Variants in NRF1 observed in about 807,000 individuals in gnomAD.
The protein encoded by NRF1 is alpha palindromic-binding protein.
Under a neutral mutation model 58.5 loss-of-function variants are expected in NRF1, and 5 were observed. That is an observed-to-expected ratio of 0.09 (90% confidence interval 0.04 to 0.18). The LOEUF (loss-of-function observed/expected upper bound fraction) is 0.18, where lower values mean the gene tolerates loss of function less well. Ranked by LOEUF, NRF1 falls within the 10% of genes least tolerant of loss-of-function variation. NRF1 has a pLI of 1.00. For synonymous variants in NRF1, 224 were observed against 246.7 expected, an observed-to-expected ratio of 0.91 and a Z score of 0.86; for missense variants, 288 against 657.7, an observed-to-expected ratio of 0.44 and a Z score of 6.15.
intron 3 of NRF1, among the ~76,000 whole-genome samples, chr7:129,676,495 G>C (rs761790217): frequency 6.6e-6 from 1 of 152,238 alleles, no homozygotes. Context: ...GGCCTGAGGA[G>C]TGGGAGAGAG....
At chr7:129,692,010 C>G (rs958822247) in intron 5 of NRF1, among the ~76,000 whole-genome samples, 1 of 152,178 alleles carries the variant, frequency 6.6e-6, no homozygotes, top group South Asian at 2.1e-4. Context: ...ATCAGTTAAT[C>G]GAACTACTGT....
At chr7:129,637,116 T>C (rs1801183397) in intron 1 of NRF1, among the ~76,000 whole-genome samples, 1 of 152,144 alleles carries the variant, frequency 6.6e-6, no homozygotes, top group Non-Finnish European at 1.5e-5. Context: ...CCACTTGTGC[T>C]CTGGAGTTCT....
At chr7:129,728,216 G>A (rs1803493479) in intron 10 of NRF1, among the ~76,000 whole-genome samples, 1 of 152,102 alleles carries the variant, frequency 6.6e-6, no homozygotes, top group African/African-American at 2.4e-5. Flanking sequence ...GGAAATTGTT[G>A]CTTTAAAGTC....
intron 5 of NRF1, among the ~76,000 whole-genome samples, chr7:129,702,316 G>T (rs71581795): frequency 1.4e-3 from 216 of 152,340 alleles, no homozygotes; most frequent in Non-Finnish European, 2.5e-3. Flanking sequence ...CAGAAGTCTT[G>T]CCTTGAGAGA....
At chr7:129,620,088 T>TG (rs995875658) in intron 1 of NRF1, among the ~76,000 whole-genome samples, 3 of 152,140 alleles carry the variant, frequency 2.0e-5, no homozygotes, top group Admixed American at 6.5e-5. Flanking sequence ...AATCAAGTGT[T>TG]GGTTGTGTTC....
At chr7:129,694,490 GAGTAGCTGGGACT>G (rs936662709) in intron 5 of NRF1, among the ~76,000 whole-genome samples, 1 of 151,954 alleles carries the variant, frequency 6.6e-6, no homozygotes, top group African/African-American at 2.4e-5. Context: ...TCAGCCTCCT[GAGTAGCTGGGACT>G]ACAGGCATGC....
intron 5 of NRF1, among the ~76,000 whole-genome samples, chr7:129,707,657 A>G (rs1802982891): frequency 6.6e-6 from 1 of 152,160 alleles, no homozygotes; most frequent in Admixed American, 6.5e-5. Flanking sequence ...TTTTAAATGG[A>G]TACGTTTCTA....
At chr7:129,752,297 A>G (rs538800368) in intron 10 of NRF1, among the ~76,000 whole-genome samples, 173 of 150,760 alleles carry the variant, frequency 1.1e-3, no homozygotes, top group African/African-American at 3.9e-3. Flanking sequence ...GGATAAGTCT[A>G]TCTCATGAAT....
chr7:129,682,432 T>C (rs1009214096), intron 4 of NRF1, among the ~76,000 whole-genome samples: 1 of 150,880 alleles, frequency 6.6e-6, no homozygotes, highest in South Asian at 2.1e-4. Context: ...CACTCTAGCC[T>C]GGATGACAGA....
intron 1 of NRF1, among the ~76,000 whole-genome samples, chr7:129,650,292 G>A (rs117131680): frequency 0.012 from 1,866 of 151,756 alleles, 18 homozygotes; most frequent in Non-Finnish European, 0.019. Flanking sequence ...TATTGCCGGC[G>A]CTTTCGTCTT....
At chr7:129,710,711 T>C in intron 7 of NRF1, 140 bp downstream of exon 7, 1 of 624,902 alleles carries the variant, frequency 1.6e-6, no homozygotes, top group Non-Finnish European at 2.9e-6. Context: ...TACCTGAAAT[T>C]GATTTCTGAA....
In NRF1 at chr7:129,741,775, G is replaced by A. The variant is rs1319803722; in HGVS notation, c.1349-13243G>A. Among the ~76,000 whole-genome samples the A allele has an allele frequency of 6.6e-6, 1 of 152,220 alleles. No homozygotes were observed. Among genetic ancestry groups the A allele is most frequent in the Non-Finnish European group, 1.5e-5 (1 of 68,046 alleles). ...TAGCTTGTCCCTCGCAGCCAGGATG[G>A]TTTGGGGCCCTCTGGCTCTCAGGTT... On this transcript the variant is annotated intron_variant, in intron 10 of 10. Coordinates refer to ENST00000393232, the MANE Select transcript of NRF1 (RefSeq NM_005011.5). The surrounding 1 kb of genome is among the most constrained non-coding windows in gnomAD (Gnocchi z 4.0).
At chr7:129,649,893 A>G (rs1801497867) in intron 1 of NRF1, among the ~76,000 whole-genome samples, 1 of 152,152 alleles carries the variant, frequency 6.6e-6, no homozygotes, top group African/African-American at 2.4e-5. Flanking sequence ...AGCTGGGGCT[A>G]TAGGCATGTG....
At chr7:129,617,014 A>G (rs962379716) in intron 1 of NRF1, among the ~76,000 whole-genome samples, 1 of 152,230 alleles carries the variant, frequency 6.6e-6, no homozygotes, top group Non-Finnish European at 1.5e-5. Flanking sequence ...TTTAGACTAT[A>G]GTAATTGCAT....
chr7:129,640,908 A>G (rs1043106648), intron 1 of NRF1, among the ~76,000 whole-genome samples: 2 of 152,226 alleles, frequency 1.3e-5, no homozygotes, highest in Non-Finnish European at 2.9e-5. Context: ...CCAGTTATCA[A>G]GGTAAGATTA....
intron 4 of NRF1, among the ~76,000 whole-genome samples, chr7:129,685,558 TGTGTGTG>T (rs1176348373): frequency 2.6e-4 from 3 of 11,690 alleles, no homozygotes; most frequent in African/African-American, 6.0e-4. Context: ...CTCATTCAAG[TGTGTGTG>T]TGTGTGTGTG....
intron 4 of NRF1, among the ~76,000 whole-genome samples, chr7:129,690,176 C>G (rs17556221): frequency 0.29 from 44,213 of 152,072 alleles, 8,075 homozygotes; most frequent in Non-Finnish European, 0.42. Flanking sequence ...AATTTTTTCA[C>G]TGGCTCTCTT....
At chr7:129,622,352 G>A (rs891225926) in intron 1 of NRF1, among the ~76,000 whole-genome samples, 2 of 152,042 alleles carry the variant, frequency 1.3e-5, no homozygotes, top group East Asian at 3.9e-4. Context: ...TGAAAAATGA[G>A]GAGGACAGAA....
At chr7:129,667,026 A>G (rs568300538) in intron 2 of NRF1, among the ~76,000 whole-genome samples, 1 of 152,154 alleles carries the variant, frequency 6.6e-6, no homozygotes, top group Non-Finnish European at 1.5e-5. Flanking sequence ...AGTCTGTTCT[A>G]TTTTATTAGA....
Sources: gnomAD v4.1 joint callset for allele counts (sites outside exome capture counted in the v4.1 genomes callset) on GRCh38, gnomAD v4.1.1 for gene constraint, Gnocchi (gnomAD v3.1) non-coding constraint, MANE v1.5 for transcripts, NCBI Gene and HGNC (gene_info 2026-07-23, HGNC 2026-07-21) for gene names.